MGMT: variants seen among roughly 807,000 people sequenced by gnomAD.
MGMT encodes the protein O-6-methylguanine-DNA methyltransferase.
MGMT carries 14 observed loss-of-function variants against 15.9 expected under a neutral mutation model. The observed-to-expected ratio is 0.88, with a 90% CI of 0.58 to 1.37. The LOEUF (loss-of-function observed/expected upper bound fraction) is 1.37, where lower values mean the gene tolerates loss of function less well. MGMT is among the 40% of genes most tolerant of loss of function. The pLI is 0.00. For missense variants in MGMT, 282 were observed against 268.1 expected, an observed-to-expected ratio of 1.05 and a Z score of -0.36; for synonymous variants, 130 against 118.2, an observed-to-expected ratio of 1.10 and a Z score of -0.65.
chr10:129,686,060 A>G (rs900437105), intron 2 of MGMT, among the ~76,000 whole-genome samples: 1 of 152,226 alleles, frequency 6.6e-6, no homozygotes, highest in Non-Finnish European at 1.5e-5. Flanking sequence ...AATGTCAATT[A>G]TAAAGAAAAT....
At chr10:129,759,633 C>T (rs1322006646) in intron 4 of MGMT, among the ~76,000 whole-genome samples, 1 of 152,158 alleles carries the variant, frequency 6.6e-6, no homozygotes, top group African/African-American at 2.4e-5. Flanking sequence ...GGCAAGCGGG[C>T]AGAGGGTGCC....
At chr10:129,525,256 A>G (rs540650063) in intron 1 of MGMT, among the ~76,000 whole-genome samples, 2 of 152,314 alleles carry the variant, frequency 1.3e-5, no homozygotes, top group South Asian at 4.1e-4. Flanking sequence ...AGTTCCATAT[A>G]TGTACCAAAG....
At position 129,527,422 on chromosome 10, in the gene MGMT, G is replaced by T. The variant is rs116497846; in HGVS notation, c.-12-8819G>T. On this transcript the variant is annotated intron_variant, in intron 1 of 4. Transcript: ENST00000651593. Reference sequence around the variant, plus strand: ...GTTAGACGGGACACTGGGGCTGCCCGCTTTCCTTTGATGGTACGCCGAGGG... The same window carrying T: ...GTTAGACGGGACACTGGGGCTGCCCTCTTTCCTTTGATGGTACGCCGAGGG... 5.2e-3 allele frequency among the ~76,000 whole-genome samples: 794 copies of T among 152,290 alleles called. 11 individuals are homozygous for T. Among genetic ancestry groups the T allele is most frequent in the African/African-American group, 0.018 (764 of 41,548 alleles).
intron 2 of MGMT, among the ~76,000 whole-genome samples, chr10:129,632,190 C>T (rs1459656367): frequency 6.6e-6 from 1 of 152,204 alleles, no homozygotes; most frequent in East Asian, 1.9e-4. Flanking sequence ...ATGCAGTAGC[C>T]TGGCTTACGG....
At chr10:129,646,965 G>C (rs1055121312) in intron 2 of MGMT, among the ~76,000 whole-genome samples, 1 of 151,468 alleles carries the variant, frequency 6.6e-6, no homozygotes, top group African/African-American at 2.4e-5. Flanking sequence ...CTGAACACCT[G>C]GGAGTCTGTG....
chr10:129,741,008 G>C (rs754501973), intron 3 of MGMT, among the ~76,000 whole-genome samples: 3 of 152,188 alleles, frequency 2.0e-5, no homozygotes, highest in Non-Finnish European at 4.4e-5. Flanking sequence ...AGGAGCGTCT[G>C]TTGGATGCCT....
chr10:129,596,497 G>C (rs1450570789), intron 2 of MGMT, among the ~76,000 whole-genome samples: 1 of 152,148 alleles, frequency 6.6e-6, no homozygotes, highest in African/African-American at 2.4e-5. Flanking sequence ...AAGGCGGGCA[G>C]ATCTCATGGG....
At chr10:129,732,053 G>T (rs1451005716) in intron 3 of MGMT, among the ~76,000 whole-genome samples, 1 of 152,180 alleles carries the variant, frequency 6.6e-6, no homozygotes, top group Non-Finnish European at 1.5e-5. Flanking sequence ...GACCCCTGAT[G>T]ATCCCTAGAC....
intron 2 of MGMT, among the ~76,000 whole-genome samples, chr10:129,647,959 C>A (rs1847415927): frequency 3.3e-5 from 5 of 152,142 alleles, no homozygotes. Context: ...AATTTAAATG[C>A]CCTTTTCATT....
chr10:129,737,809 G>A (rs369891786), intron 3 of MGMT, among the ~76,000 whole-genome samples: 4 of 152,190 alleles, frequency 2.6e-5, no homozygotes, highest in Admixed American at 1.3e-4. Context: ...TGGAGTACCC[G>A]GCCGTGTGAG....
chr10:129,512,344 C>T (rs1345515021), intron 1 of MGMT, among the ~76,000 whole-genome samples: 2 of 152,094 alleles, frequency 1.3e-5, no homozygotes, highest in African/African-American at 4.8e-5. Context: ...GTTTGCTATG[C>T]TCATTTTGTT....
chr10:129,520,981 A>AGCCCCTGCGGTGCGCGTACGGG, intron 1 of MGMT, among the ~76,000 whole-genome samples: 1 of 124,522 alleles, frequency 8.0e-6, no homozygotes, highest in Admixed American at 7.8e-5. Flanking sequence ...GAGGGTGCAG[A>AGCCCCTGCGGTGCGCGTACGGG]GCCCCTACGG....
At chr10:129,736,419 T>G (rs1025312818) in intron 3 of MGMT, among the ~76,000 whole-genome samples, 29 of 150,452 alleles carry the variant, frequency 1.9e-4, no homozygotes, top group African/African-American at 7.0e-4. Flanking sequence ...GCTTGGTAGA[T>G]CTTCCTCCAT....
intron 2 of MGMT, among the ~76,000 whole-genome samples, chr10:129,653,105 A>G (rs1847481195): frequency 6.6e-6 from 1 of 152,140 alleles, no homozygotes. Flanking sequence ...ACAAAAGAGA[A>G]ACATGGTCCG....
chr10:129,741,387 C>T (rs1196499295), intron 3 of MGMT, among the ~76,000 whole-genome samples: 1 of 152,224 alleles, frequency 6.6e-6, no homozygotes, highest in African/African-American at 2.4e-5. Flanking sequence ...CAAGCTGAAC[C>T]TGCAGTTGAG....
chr10:129,470,264 A>C (rs1762434), intron 1 of MGMT, among the ~76,000 whole-genome samples: 1 of 152,178 alleles, frequency 6.6e-6, no homozygotes, highest in African/African-American at 2.4e-5. Context: ...CCTGTCTTGG[A>C]CATAGGTAAG....
At chr10:129,475,545 C>G (rs1845282590) in intron 1 of MGMT, among the ~76,000 whole-genome samples, 1 of 152,202 alleles carries the variant, frequency 6.6e-6, no homozygotes, top group African/African-American at 2.4e-5. Flanking sequence ...CCCATGTGTG[C>G]TATTCTTTAT....
chr10:129,759,104 G>A (rs958668664), intron 3 of MGMT, 98 bp from the exon 4 acceptor site: 3 of 1,433,128 alleles, frequency 2.1e-6, no homozygotes, highest in Non-Finnish European at 1.9e-6. Context: ...ACCTCTATTT[G>A]TGTAGATGCG....
intron 2 of MGMT, among the ~76,000 whole-genome samples, chr10:129,592,568 G>C (rs1258709127): frequency 6.6e-6 from 1 of 152,210 alleles, no homozygotes; most frequent in Non-Finnish European, 1.5e-5. Context: ...GAAGGCTTCA[G>C]GGTCCACATG....
Sources: gnomAD v4.1 joint callset for allele counts (sites outside exome capture counted in the v4.1 genomes callset) on GRCh38, gnomAD v4.1.1 for gene constraint, MANE v1.5 for transcripts, NCBI Gene and HGNC (gene_info 2026-07-23, HGNC 2026-07-21) for gene names.